CEP170: variants seen among roughly 807,000 people sequenced by gnomAD.
CEP170 encodes the protein centrosomal protein of 170 kDa.
CEP170 carries 21 observed loss-of-function variants against 151.9 expected under a neutral mutation model. The ratio of observed to expected loss-of-function variants is 0.14; its 90% CI spans 0.10 to 0.20. The LOEUF (loss-of-function observed/expected upper bound fraction) is 0.20, where lower values mean the gene tolerates loss of function less well. Among genes scored for constraint, CEP170 ranks in the 10% least tolerant of loss-of-function variants. The probability of loss-of-function intolerance (pLI) is 1.00; values close to 1 mark genes in which losing one functional copy is unlikely to be tolerated. For synonymous variants in CEP170, 356 were observed against 648.8 expected, an observed-to-expected ratio of 0.55 and a Z score of 6.86; for missense variants, 964 against 1,892.9, an observed-to-expected ratio of 0.51 and a Z score of 9.11.
chr1:243,141,676 G>A (rs1016876355), intron 15 of CEP170, among the ~76,000 whole-genome samples: 1 of 152,208 alleles, frequency 6.6e-6, no homozygotes, highest in Admixed American at 6.5e-5. Context: ...CTGGAGCAAT[G>A]TTATGCAAAT....
chr1:243,201,545 T>G (rs539618619), intron 4 of CEP170, among the ~76,000 whole-genome samples: 2 of 152,284 alleles, frequency 1.3e-5, no homozygotes, highest in African/African-American at 4.8e-5. Flanking sequence ...CTTAACTCTG[T>G]AATGAGAGGA....
chr1:243,143,744 AAAAG>A (rs971554545), intron 14 of CEP170, among the ~76,000 whole-genome samples: 76 of 151,824 alleles, frequency 5.0e-4, no homozygotes, highest in African/African-American at 1.6e-3. Flanking sequence ...AAAAAAAAAA[AAAAG>A]AGCCTAGGAG....
intron 3 of CEP170, among the ~76,000 whole-genome samples, chr1:243,217,747 C>T (rs1049529756): frequency 3.9e-5 from 6 of 152,038 alleles, no homozygotes; most frequent in Non-Finnish European, 7.4e-5. Context: ...AACTTAGATA[C>T]GGGAAAAAAA....
chr1:243,164,146 T>C, intron 13 of CEP170, 138 bp downstream of exon 13: 1 of 1,139,990 alleles, frequency 8.8e-7, no homozygotes, highest in Non-Finnish European at 1.1e-6. Flanking sequence ...CCACCGCCGC[T>C]GCCCCGTATA....
chr1:243,239,645 C>T (rs1314991850), intron 1 of CEP170, among the ~76,000 whole-genome samples: 3 of 152,110 alleles, frequency 2.0e-5, no homozygotes, highest in African/African-American at 7.2e-5. Flanking sequence ...CTATGCTGTC[C>T]CAAGACCTTT....
chr1:243,171,412 A>C (rs550693069), intron 11 of CEP170, among the ~76,000 whole-genome samples: 1 of 151,828 alleles, frequency 6.6e-6, no homozygotes. Context: ...TTTATACTTC[A>C]TACAAATGTA....
At chr1:243,172,199 C>A (rs1374623332) in intron 11 of CEP170, among the ~76,000 whole-genome samples, 1 of 152,192 alleles carries the variant, frequency 6.6e-6, no homozygotes, top group Non-Finnish European at 1.5e-5. Flanking sequence ...ATGAATATTT[C>A]TAACACCTAA....
intron 1 of CEP170, among the ~76,000 whole-genome samples, chr1:243,227,913 T>C (rs2063434717): frequency 1.3e-5 from 2 of 152,250 alleles, no homozygotes; most frequent in Non-Finnish European, 2.9e-5. Context: ...TATAGACAGA[T>C]GTGAGTCTGA....
At position 243,200,263 on chromosome 1, in the gene CEP170, C is replaced by T. The variant is rs572440685; in HGVS notation, c.496+255G>A. ...TGGGAGTCCTGAAACCAGTCCCCCA[C>T]GGATACTGAAGGATGACCATATTTA... On this transcript the variant is annotated intron_variant, in intron 6 of 19. Transcript: ENST00000366542. Among the ~76,000 whole-genome samples the T allele has an allele frequency of 7.2e-5, 11 of 152,162 alleles. No individual in the cohort carries two copies. The East Asian group carries it at 1.2e-3, about 16-fold the overall frequency.
intron 1 of CEP170, among the ~76,000 whole-genome samples, chr1:243,230,683 A>T (rs1315770533): frequency 6.6e-6 from 1 of 152,222 alleles, no homozygotes. Context: ...ACCTGAAGAT[A>T]AGAACAGTGA....
At position 243,226,039 on chromosome 1, in the gene CEP170, C is replaced by A. The variant is rs921352907; in HGVS notation, c.-41-718G>T. On this transcript the variant is annotated intron_variant, in intron 1 of 19. Coordinates refer to ENST00000366542, the MANE Select transcript of CEP170 (RefSeq NM_014812.3). Reference sequence around the variant, plus strand: ...TATATACACACGTATATATATCTATCTCTAGATATATATATCTAGATATAT... The same window carrying A: ...TATATACACACGTATATATATCTATATCTAGATATATATATCTAGATATAT... Among the ~76,000 whole-genome samples the A allele has an allele frequency of 2.5e-4, 18 of 72,998 alleles. 1 individual carries two copies. Among genetic ancestry groups the A allele is most frequent in the African/African-American group, 7.5e-4 (12 of 15,934 alleles). The allele number at this position is 72,998 out of a possible 152,430, so 47.9% of individuals were successfully genotyped here.
chr1:243,213,109 T>C (rs1465186121), intron 3 of CEP170, among the ~76,000 whole-genome samples: 1 of 152,152 alleles, frequency 6.6e-6, no homozygotes, highest in African/African-American at 2.4e-5. Context: ...TATTTCATAT[T>C]CTTTTTTTTT....
intron 10 of CEP170, among the ~76,000 whole-genome samples, chr1:243,180,487 A>T (rs2059552569): frequency 1.3e-5 from 2 of 152,236 alleles, no homozygotes; most frequent in South Asian, 4.1e-4. Flanking sequence ...AAAATTGCTC[A>T]GTCAAAAATA....
intron 17 of CEP170, 36 bp from the exon 18 acceptor site, chr1:243,129,489 T>A: frequency 7.9e-7 from 1 of 1,258,042 alleles, no homozygotes; most frequent in East Asian, 2.6e-5. Context: ...TAACTTTTTA[T>A]ATTTTAAAAA....
rs183031276 is a variant in CEP170, at chr1:243,214,617, C to T, written c.196-2653G>A. 2.4e-3 allele frequency among the ~76,000 whole-genome samples: 339 copies of T among 139,428 alleles called. 2 individuals carry two copies. The highest frequency in any genetic ancestry group is 8.1e-3 in the African/African-American group (326 of 40,470). The allele number at this position is 139,428 out of a possible 152,430, so 91.5% of individuals were successfully genotyped here. On this transcript the variant is annotated intron_variant, in intron 3 of 19. Transcript: ENST00000366542. ...TTTAAAACACTGTGTTTTGACCATG[C>T]AAGAACAAGAAGCACCAGAAATAAT... is the stretch of plus-strand genomic sequence containing the variant.
intron 12 of CEP170, chr1:243,169,379 C>T (rs2058668212): frequency 1.9e-6 from 1 of 538,274 alleles, no homozygotes; most frequent in Non-Finnish European, 2.9e-6. Flanking sequence ...TGCTTAAAAT[C>T]CCTCAAAATA....
intron 1 of CEP170, among the ~76,000 whole-genome samples, chr1:243,228,993 G>A (rs1235178969): frequency 6.6e-6 from 1 of 152,154 alleles, no homozygotes; most frequent in Admixed American, 6.5e-5. Flanking sequence ...CTGCTGAGTG[G>A]GAATGTGATA....
chr1:243,151,048 C>G (rs1332540636), intron 14 of CEP170, among the ~76,000 whole-genome samples: 1 of 152,184 alleles, frequency 6.6e-6, no homozygotes, highest in African/African-American at 2.4e-5. Context: ...ATTTGCAGCT[C>G]CCTCACCATT....
At chr1:243,243,337 C>G (rs1353970717) in intron 1 of CEP170, among the ~76,000 whole-genome samples, 6 of 152,010 alleles carry the variant, frequency 3.9e-5, no homozygotes. Flanking sequence ...GGTAGGGGGA[C>G]AGTGGAAGTG....
Sources: gnomAD v4.1 joint callset for allele counts (sites outside exome capture counted in the v4.1 genomes callset) on GRCh38, gnomAD v4.1.1 for gene constraint, MANE v1.5 for transcripts, NCBI Gene and HGNC (gene_info 2026-07-23, HGNC 2026-07-21) for gene names.